BSN: variants seen among roughly 807,000 people sequenced by gnomAD.
BSN encodes protein bassoon.
In BSN, 57 loss-of-function variants were observed where a neutral mutation model predicts 264.8. The ratio of observed to expected loss-of-function variants is 0.22; its 90% CI spans 0.17 to 0.27. The LOEUF (loss-of-function observed/expected upper bound fraction) is 0.27. BSN is among the 10% of genes least tolerant of loss of function. The probability of loss-of-function intolerance (pLI) is 1.00; values close to 1 mark genes in which losing one functional copy is unlikely to be tolerated. For missense variants in BSN, 4,615 were observed against 5,232.5 expected, an observed-to-expected ratio of 0.88 and a Z score of 3.64; for synonymous variants, 2,059 against 2,137.3, an observed-to-expected ratio of 0.96 and a Z score of 1.01.
chr3:49,554,592 G>T lies in BSN; in HGVS notation c.-11G>T. 2.1e-5 allele frequency: 19 copies of T among 901,508 alleles called. No individual in the cohort carries two copies. Among genetic ancestry groups the T allele is most frequent in the Non-Finnish European group, 2.5e-5 (19 of 754,894 alleles). 55.8% of individuals were successfully genotyped at this position (901,508 alleles called of 1,614,324 possible). ...AGCGCGACCCCGACCCCGCCCGCCCGCCTGCCCGCCATGGGCAACGAGGTC... is the reference window on the plus strand; with the variant it reads ...AGCGCGACCCCGACCCCGCCCGCCCTCCTGCCCGCCATGGGCAACGAGGTC... On this transcript the variant is annotated 5_prime_UTR_variant, in exon 1 of 12. Coordinates refer to ENST00000296452, the MANE Select transcript of BSN (RefSeq NM_003458.4).
At chr3:49,633,294 T>C (rs540098178) in intron 2 of BSN, among the ~76,000 whole-genome samples, 4 of 146,892 alleles carry the variant, frequency 2.7e-5, no homozygotes, top group East Asian at 2.0e-4. Context: ...TGAGCGAGAC[T>C]CTGTCTCAAA....
At chr3:49,573,818 C>T (rs996504146) in intron 1 of BSN, among the ~76,000 whole-genome samples, 7 of 152,054 alleles carry the variant, frequency 4.6e-5, no homozygotes, top group African/African-American at 1.2e-4. Flanking sequence ...CCACCATACC[C>T]GGATAATTTT....
chr3:49,664,302 CCTT>C (rs2108099918), intron 8 of BSN, 118 bp from the exon 9 acceptor site: 1 of 1,304,308 alleles, frequency 7.7e-7, no homozygotes, highest in South Asian at 1.3e-5. Context: ...TCCCTAGCCT[CCTT>C]CTCACCTTCC....
In BSN at chr3:49,654,886, T is replaced by G. The variant is rs752878322; in HGVS notation, c.5330T>G (p.Val1777Gly). 6.2e-7 allele frequency: 1 copy of G among 1,613,320 alleles called. No individual in the cohort carries two copies. The highest frequency in any genetic ancestry group is 8.5e-7 in the Non-Finnish European group (1 of 1,179,900). ...SPVCLAQVKQ[V>G]EQAVQTAPYR... ...GTGTGCCTGGCCCAGGTCAAACAAG[T>G]AGAGCAGGCTGTCCAGACAGCCCCA... is the stretch of plus-strand genomic sequence containing the variant. The change falls in exon 5 of 12, where the codon GTA becomes GGA. Residue 1777 changes from valine to glycine, a missense_variant. Val to Gly is a moderately radical substitution (Grantham distance 109, BLOSUM62 -3). This residue lies in a region of BSN where 3,415 missense variants were observed against 3,866.4 expected (regional missense o/e 0.88). Transcript: ENST00000296452. This position sits in a 1 kb window ranked among gnomAD's most constrained non-coding sequence, Gnocchi z 4.1.
Position 49,657,175 on chromosome 3 carries a change from T to C in BSN, c.7619T>C (p.Leu2540Pro). 1 of 1,613,288 alleles carries C rather than the reference T, an allele frequency of 6.2e-7. No homozygotes were observed. The highest frequency in any genetic ancestry group is 8.5e-7 in the Non-Finnish European group (1 of 1,180,014). Residue 2540 changes from leucine to proline, a missense_variant, in exon 5 of 12, where the codon CTG becomes CCG. Leu to Pro is a moderately conservative substitution (Grantham distance 98). Transcript: ENST00000296452. Reference protein sequence around the residue: ...GLPSSASDMSLQTEEQWEASR... With the variant: ...GLPSSASDMSPQTEEQWEASR... ...CCCAGCTCTGCCTCAGACATGTCAC[T>C]GCAAACGGAGGAGCAGTGGGAGGCC...
At position 49,625,128 on chromosome 3, in the gene BSN, C is replaced by A. The variant is rs2052332964; in HGVS notation, c.378C>A (p.Arg126=). Residue 126 remains arginine, a synonymous_variant, in exon 2 of 12, where the codon CGC becomes CGA. Transcript: ENST00000296452. This position sits in a 1 kb window ranked among gnomAD's most constrained non-coding sequence, Gnocchi z 4.4. ...CAGGCCAGGAGGCTGATGGTCCCCG[C>A]AGGACGCTGCAGGTAGACAGCAGGA... The part of the protein sequence containing the change: ...GPAGQEADGP[R]RTLQVDSRTQ... 2 of 1,596,996 alleles carry A rather than the reference C, an allele frequency of 1.3e-6. No homozygotes were observed. Among genetic ancestry groups the A allele is most frequent in the Non-Finnish European group, 1.7e-6 (2 of 1,171,582 alleles).
Position 49,651,438 on chromosome 3 carries a change from A to G in BSN, c.1987-105A>G. ...GGTGGCGGGCCCTAAACCCTTGGGA[A>G]ATGGACAGACTCTTCCCCAGGGTCC... On this transcript the variant is annotated intron_variant, in intron 4 of 11. Transcript: ENST00000296452. This position sits in a 1 kb window ranked among gnomAD's most constrained non-coding sequence, Gnocchi z 5.4. 1.5e-6 allele frequency: 2 copies of G among 1,305,182 alleles called. No homozygotes were observed. Among genetic ancestry groups the G allele is most frequent in the Non-Finnish European group, 2.1e-6 (2 of 952,914 alleles). The allele number at this position is 1,305,182 out of a possible 1,614,324, so 80.9% of individuals were successfully genotyped here.
At chr3:49,633,609 T>G (rs2052398379) in intron 2 of BSN, among the ~76,000 whole-genome samples, 1 of 152,190 alleles carries the variant, frequency 6.6e-6, no homozygotes, top group African/African-American at 2.4e-5. Context: ...AGGAAGGTCT[T>G]GAAGAGATAT....
intron 1 of BSN, among the ~76,000 whole-genome samples, chr3:49,609,221 G>A (rs900116049): frequency 3.3e-5 from 5 of 150,890 alleles, no homozygotes; most frequent in African/African-American, 1.2e-4. Flanking sequence ...TTTGCCTCAG[G>A]CTCTCAAGAA....
chr3:49,581,459 T>G (rs1415382141), intron 1 of BSN, among the ~76,000 whole-genome samples: 1 of 152,232 alleles, frequency 6.6e-6, no homozygotes, highest in Non-Finnish European at 1.5e-5. Flanking sequence ...CTGTTCTATT[T>G]TATTATTAGT....
rs1202718430 is a variant in BSN, at chr3:49,642,561, C to T, written c.927C>T (p.Pro309=). ...GGGTGTCTCCTCAGCCCCCTCAACC[C>T]ACCAAGCCTTCCACAGCTGAGCCCA... ...VGRVSPQPPQ[P]TKPSTAEPRP... The change falls in exon 3 of 12, where the codon CCC becomes CCT. Residue 309 remains proline (P), a synonymous_variant. Transcript: ENST00000296452. This position sits in a 1 kb window ranked among gnomAD's most constrained non-coding sequence, Gnocchi z 7.0. 3 of 1,603,946 alleles carry T rather than the reference C, an allele frequency of 1.9e-6. No individual in the cohort carries two copies. The highest frequency in any genetic ancestry group is 2.6e-6 in the Non-Finnish European group (3 of 1,174,020).
chr3:49,632,405 G>A (rs889708199), intron 2 of BSN, among the ~76,000 whole-genome samples: 3 of 152,214 alleles, frequency 2.0e-5, no homozygotes, highest in African/African-American at 7.2e-5. Context: ...CAGAATGGGA[G>A]AAAATACTTG....
chr3:49,575,644 A>G (rs565525814), intron 1 of BSN, among the ~76,000 whole-genome samples: 26 of 85,014 alleles, frequency 3.1e-4, no homozygotes, highest in Admixed American at 9.4e-4. Flanking sequence ...ATGTATATAT[A>G]TGTGTGTGTG....
chr3:49,669,555 C>T lies in BSN; in HGVS notation c.*2070C>T, dbSNP rs2052740568. On this transcript the variant is annotated 3_prime_UTR_variant, in exon 12 of 12. Transcript: ENST00000296452. ...GAGCCAGGCTGTGCCCGAGGGACCC[C>T]AGCTCTTGACTGCACCTGTTTCATG... is the stretch of plus-strand genomic sequence containing the variant. The T allele has an allele frequency of 1.3e-5, 2 of 152,570 alleles. No individual in the cohort carries two copies. Among genetic ancestry groups the T allele is most frequent in the Admixed American group, 6.5e-5 (1 of 15,284 alleles). 9.5% of individuals were successfully genotyped at this position (152,570 alleles called of 1,614,324 possible).
intron 1 of BSN, among the ~76,000 whole-genome samples, chr3:49,603,127 C>T (rs2052085070): frequency 6.8e-6 from 1 of 146,886 alleles, no homozygotes; most frequent in South Asian, 2.1e-4. Flanking sequence ...CCCCTCAAGT[C>T]ATGCCCCTCC....
intron 1 of BSN, among the ~76,000 whole-genome samples, chr3:49,564,395 C>T (rs2051737777): frequency 6.6e-6 from 1 of 152,210 alleles, no homozygotes; most frequent in East Asian, 1.9e-4. Context: ...TGAGTCTCTG[C>T]TATGTTTTCT....
chr3:49,621,923 AAAG>A (rs1436929571), intron 1 of BSN, among the ~76,000 whole-genome samples: 1 of 152,206 alleles, frequency 6.6e-6, no homozygotes, highest in Non-Finnish European at 1.5e-5. Flanking sequence ...GTTTTGCTGT[AAAG>A]AAGAGGAGAG....
intron 1 of BSN, among the ~76,000 whole-genome samples, chr3:49,600,482 C>T (rs1048745786): frequency 1.3e-5 from 2 of 152,112 alleles, no homozygotes; most frequent in Admixed American, 1.3e-4. Flanking sequence ...CTAAAGGTGG[C>T]AGAGGACCAG....
chr3:49,575,315 C>G (rs2051834849), intron 1 of BSN, among the ~76,000 whole-genome samples: 1 of 151,496 alleles, frequency 6.6e-6, no homozygotes. Context: ...GATCGCAGCA[C>G]TGCACTCTAA....
Sources: allele counts gnomAD v4.1 joint callset (sites outside exome capture counted in the v4.1 genomes callset), GRCh38; gene constraint gnomAD v4.1.1; regional missense constraint gnomAD v4.1.1; non-coding constraint Gnocchi (gnomAD v3.1); transcripts MANE v1.5; gene names NCBI Gene and HGNC (gene_info 2026-07-23, HGNC 2026-07-21).